The following SERP1 variants were observed in gnomAD, a reference collection of about 807,000 sequenced individuals.
SERP1 encodes stress-associated endoplasmic reticulum protein 1.
In SERP1, 6 loss-of-function variants were observed where a neutral mutation model predicts 8.8. That is an observed-to-expected ratio of 0.68 (90% CI 0.37 to 1.35). The LOEUF (loss-of-function observed/expected upper bound fraction) is 1.35, where lower values mean the gene tolerates loss of function less well. Among genes scored for constraint, SERP1 ranks in the 40% most tolerant of loss-of-function variants. The pLI, the probability that SERP1 is intolerant of heterozygous loss-of-function variation, is 0.02. For missense variants in SERP1, 52 were observed against 86.2 expected (o/e 0.60, Z 1.57); for synonymous variants, 36 against 28.7 (o/e 1.25, Z -0.81).
chr3:150,545,687 C>T lies in SERP1; in HGVS notation c.160+16G>A. ...AACCCAAGACTCTACCTGATGGGAG[C>T]CCCCAAGCCACTTACCAGAACCACA... On this transcript the variant is annotated intron_variant, in intron 2 of 2. Transcript: ENST00000239944. The T allele has an allele frequency of 6.3e-7, 1 of 1,597,196 alleles. No individual in the cohort carries two copies. Among genetic ancestry groups the T allele is most frequent in the Non-Finnish European group, 8.5e-7 (1 of 1,170,276 alleles).
chr3:150,545,668 A>T (rs1445719484), intron 2 of SERP1, 35 bp downstream of exon 2: 1 of 1,578,968 alleles, frequency 6.3e-7, no homozygotes, highest in South Asian at 1.1e-5. Flanking sequence ...TTTCAACCCA[A>T]GACTCTACCT....
At chr3:150,545,251 A>G (rs1054710556) in intron 2 of SERP1, 1 of 192,618 alleles carries the variant, frequency 5.2e-6, no homozygotes, top group African/African-American at 2.3e-5. Flanking sequence ...TAGTGAATCA[A>G]TTCTTTGCAC....
chr3:150,546,389 G>C lies in SERP1; in HGVS notation c.-254C>G. On this transcript the variant is annotated 5_prime_UTR_variant, in exon 1 of 3. Coordinates refer to ENST00000239944, the MANE Select transcript of SERP1 (RefSeq NM_014445.4). ...GAGGAAGAGAACTGGCCGCCGGGTCGTTCTCGCGCCGCCGTCGCCGCCGCT... is the reference window on the plus strand; with the variant it reads ...GAGGAAGAGAACTGGCCGCCGGGTCCTTCTCGCGCCGCCGTCGCCGCCGCT... 1 of 562,934 alleles carries C rather than the reference G, an allele frequency of 1.8e-6. No individual in the cohort carries two copies. Among genetic ancestry groups the C allele is most frequent in the Non-Finnish European group, 3.1e-6 (1 of 322,548 alleles). 34.9% of individuals were successfully genotyped at this position (562,934 alleles called of 1,614,324 possible). A position where few individuals can be genotyped will look rare whatever the true frequency, so the allele number is the denominator to read the frequency against.
rs554283404 is a variant in SERP1 at position 150,544,119 on chromosome 3, C to T, written c.*339G>A. ...ACATTTGGGTTAACAAAATCTAGAC[C>T]CTGTCTATGCAGAGTTAGACTAATT... On this transcript the variant is annotated 3_prime_UTR_variant, in exon 3 of 3. Coordinates refer to ENST00000239944, the MANE Select transcript of SERP1 (RefSeq NM_014445.4). 17 of 231,004 alleles carry T rather than the reference C, an allele frequency of 7.4e-5. No individual in the cohort carries two copies. Among genetic ancestry groups the T allele is most frequent in the African/African-American group, 3.4e-4 (15 of 44,414 alleles). 14.3% of individuals were successfully genotyped at this position (231,004 alleles called of 1,614,324 possible).
chr3:150,546,031 G>A (rs1722995528), intron 1 of SERP1, 21 bp downstream of exon 1: 1 of 1,612,862 alleles, frequency 6.2e-7, no homozygotes, highest in Admixed American at 1.7e-5. Flanking sequence ...GAACGCAGAG[G>A]GGCGCCCGCT....
chr3:150,546,405 CGCCGCCGCTTTGGCCGCCGCCGTG>C lies in SERP1; in HGVS notation c.-294_-271del. The C allele has an allele frequency of 3.6e-6, 2 of 557,248 alleles. No homozygotes were observed. The highest frequency in any genetic ancestry group is 6.3e-6 in the Non-Finnish European group (2 of 318,798). The allele number at this position is 557,248 out of a possible 1,614,324, so 34.5% of individuals were successfully genotyped here. ...CGCCGGGTCGTTCTCGCGCCGCCGTCGCCGCCGCTTTGGCCGCCGCCGTGAGCGCGGAGTGAAAGAGGAAGGAAA... is the reference window on the plus strand; with the variant it reads ...CGCCGGGTCGTTCTCGCGCCGCCGTCAGCGCGGAGTGAAAGAGGAAGGAAA... On this transcript the variant is annotated 5_prime_UTR_variant, in exon 1 of 3. Coordinates refer to ENST00000239944, the MANE Select transcript of SERP1 (RefSeq NM_014445.4).
Position 150,544,398 on chromosome 3 carries a change from T to A in SERP1, c.*60A>T, listed in dbSNP as rs761562880. The A allele has an allele frequency of 6.9e-7, 1 of 1,449,294 alleles. No homozygotes were observed. Among genetic ancestry groups the A allele is most frequent in the Non-Finnish European group, 9.7e-7 (1 of 1,030,760 alleles). 89.8% of individuals were successfully genotyped at this position (1,449,294 alleles called of 1,614,324 possible). On this transcript the variant is annotated 3_prime_UTR_variant, in exon 3 of 3. Transcript: ENST00000239944. ...TTGTTTTCAACCAGGGTATCAAACA[T>A]CAGGAATGAGTTCAAGTTAAAATTC...
At position 150,543,889 on chromosome 3, in the gene SERP1, A is replaced by G. The variant is rs1222728565; in HGVS notation, c.*569T>C. The G allele has an allele frequency of 1.3e-5, 2 of 152,206 alleles. No homozygotes were observed. Among genetic ancestry groups the G allele is most frequent in the African/African-American group, 4.8e-5 (2 of 41,424 alleles). The allele number at this position is 152,206 out of a possible 1,614,324, so 9.4% of individuals were successfully genotyped here. A position where few individuals can be genotyped will look rare whatever the true frequency, so the allele number is the denominator to read the frequency against. The stretch of plus-strand genomic sequence containing the variant: ...CTATAAGCATCTCCCTTTATATTAG[A>G]CATTTAGAAGCTTTTAAAACTTTTT... On this transcript the variant is annotated 3_prime_UTR_variant, in exon 3 of 3. Coordinates refer to ENST00000239944, the MANE Select transcript of SERP1 (RefSeq NM_014445.4).
chr3:150,546,399 C>T lies in SERP1; in HGVS notation c.-264G>A. ...ACTGGCCGCCGGGTCGTTCTCGCGC[C>T]GCCGTCGCCGCCGCTTTGGCCGCCG... On this transcript the variant is annotated 5_prime_UTR_variant, in exon 1 of 3. Coordinates refer to ENST00000239944, the MANE Select transcript of SERP1 (RefSeq NM_014445.4). 1 of 557,170 alleles carries T rather than the reference C, an allele frequency of 1.8e-6. No homozygotes were observed. The highest frequency in any genetic ancestry group is 3.1e-6 in the Non-Finnish European group (1 of 318,538). 34.5% of individuals were successfully genotyped at this position (557,170 alleles called of 1,614,324 possible).
At chr3:150,546,013 C>A in intron 1 of SERP1, 39 bp downstream of exon 1, 2 of 1,610,268 alleles carry the variant, frequency 1.2e-6, no homozygotes, top group East Asian at 2.2e-5. Flanking sequence ...GACTCAGCTC[C>A]GGCTGCGGAA....
Position 150,544,371 on chromosome 3 carries a change from A to G in SERP1, c.*87T>C, listed in dbSNP as rs774962533. 23 of 1,177,380 alleles carry G rather than the reference A, an allele frequency of 2.0e-5. No individual in the cohort carries two copies. In the South Asian group the frequency reaches 2.2e-4, roughly 11 times the overall value. 72.9% of individuals were successfully genotyped at this position (1,177,380 alleles called of 1,614,324 possible). On this transcript the variant is annotated 3_prime_UTR_variant, in exon 3 of 3. Coordinates refer to ENST00000239944, the MANE Select transcript of SERP1 (RefSeq NM_014445.4). The stretch of plus-strand genomic sequence containing the variant: ...CATTCTGAGGCAGGATGCTTTACTG[A>G]ATTGTTTTCAACCAGGGTATCAAAC...
chr3:150,544,433 T>C lies in SERP1; in HGVS notation c.*25A>G. 1 of 1,606,046 alleles carries C rather than the reference T, an allele frequency of 6.2e-7. No individual in the cohort carries two copies. The highest frequency in any genetic ancestry group is 8.5e-7 in the Non-Finnish European group (1 of 1,173,006). ...GTTCAAGTTAAAATTCACAGGAGAA[T>C]GGAAACATCTTAAGGTCAGTCACTT... On this transcript the variant is annotated 3_prime_UTR_variant, in exon 3 of 3. Transcript: ENST00000239944.
At position 150,545,743 on chromosome 3, in the gene SERP1, G is replaced by A. The variant is rs145160183; in HGVS notation, c.120C>T (p.Pro40=). 6 of 1,609,394 alleles carry A rather than the reference G, an allele frequency of 3.7e-6. No individual in the cohort carries two copies. The highest frequency in any genetic ancestry group is 1.3e-5 in the African/African-American group (1 of 74,844). Residue 40 remains proline (P), a synonymous_variant, in exon 2 of 3, where the codon CCC becomes CCT. Transcript: ENST00000239944. The stretch of plus-strand genomic sequence containing the variant: ...CAAAAATGAAGAGAGCCAATAACCA[G>A]GGTCCTACAGACGCCTTCTCTTCGG... ...NAPEEKASVG[P]WLLALFIFVV...
intron 2 of SERP1, 124 bp downstream of exon 2, chr3:150,545,579 T>A (rs1289694371): frequency 1.1e-6 from 1 of 878,942 alleles, no homozygotes; most frequent in Non-Finnish European, 1.8e-6. Context: ...AACAGAATTA[T>A]GTGGAGTCCT....
chr3:150,545,613 C>G (rs755943150), intron 2 of SERP1, 90 bp downstream of exon 2: 7 of 1,206,258 alleles, frequency 5.8e-6, no homozygotes, highest in East Asian at 2.5e-5. Flanking sequence ...GAGAACTACG[C>G]AGGTAGGACT....
chr3:150,544,226 AT>A lies in SERP1; in HGVS notation c.*231del. ...TAGGGTCCACTACTGTATCTTAACA[AT>A]CAAATTTTATTGCTTTATTCATGTG... On this transcript the variant is annotated 3_prime_UTR_variant, in exon 3 of 3. Transcript: ENST00000239944. 1 of 525,366 alleles carries A rather than the reference AT, an allele frequency of 1.9e-6. No homozygotes were observed. 32.5% of individuals were successfully genotyped at this position (525,366 alleles called of 1,614,324 possible). A position where few individuals can be genotyped will look rare whatever the true frequency, so the allele number is the denominator to read the frequency against.
At position 150,543,353 on chromosome 3, in the gene SERP1, T is replaced by C. The variant is rs1282679580; in HGVS notation, c.*1105A>G. On this transcript the variant is annotated 3_prime_UTR_variant, in exon 3 of 3. Coordinates refer to ENST00000239944, the MANE Select transcript of SERP1 (RefSeq NM_014445.4). Reference sequence around the variant, plus strand: ...TGATCAATCATAACCTATAAAGTCATATAACAAAGGGAAGACTAAAGACTG... The same window carrying C: ...TGATCAATCATAACCTATAAAGTCACATAACAAAGGGAAGACTAAAGACTG... 1.3e-5 allele frequency: 2 copies of C among 152,564 alleles called. No homozygotes were observed. Among genetic ancestry groups the C allele is most frequent in the African/African-American group, 2.4e-5 (1 of 41,434 alleles). The allele number at this position is 152,564 out of a possible 1,614,324, so 9.5% of individuals were successfully genotyped here.
intron 2 of SERP1, among the ~76,000 whole-genome samples, 183 bp from the exon 3 acceptor site, chr3:150,544,681 CCT>C (rs559307870): frequency 6.6e-6 from 1 of 152,006 alleles, no homozygotes; most frequent in Non-Finnish European, 1.5e-5. Context: ...ATGAAATATC[CCT>C]GAGTTATTTT....
Position 150,542,842 on chromosome 3 carries a change from CAG to C in SERP1, c.*1614_*1615del, listed in dbSNP as rs1722902247. ...CTATGAATTTAGCACAACCATAAAA[CAG>C]AATTAGTTAACCAAGACACTTGTTT... On this transcript the variant is annotated 3_prime_UTR_variant, in exon 3 of 3. Coordinates refer to ENST00000239944, the MANE Select transcript of SERP1 (RefSeq NM_014445.4). 6.6e-6 allele frequency: 1 copy of C among 152,470 alleles called. No homozygotes were observed. Among genetic ancestry groups the C allele is most frequent in the African/African-American group, 2.4e-5 (1 of 41,422 alleles). 9.4% of individuals were successfully genotyped at this position (152,470 alleles called of 1,614,324 possible).
Sources: gnomAD v4.1 joint callset for allele counts (sites outside exome capture counted in the v4.1 genomes callset) on GRCh38, gnomAD v4.1.1 for gene constraint, MANE v1.5 for transcripts, NCBI Gene and HGNC (gene_info 2026-07-23, HGNC 2026-07-21) for gene names.